Variants in ALG8 observed in about 807,000 individuals in gnomAD.
The protein encoded by ALG8 is ALG8 alpha-1,3-glucosyltransferase, also known as dolichyl pyrophosphate Glc1Man9GlcNAc2 alpha-1,3-glucosyltransferase.
ALG8 carries 48 observed loss-of-function variants against 70.2 expected under a neutral mutation model. That is an observed-to-expected ratio of 0.68 (90% CI 0.54 to 0.87). ALG8 has a LOEUF of 0.87. ALG8 is among the 40% of genes least tolerant of loss of function. ALG8 has a pLI of 0.00. For missense variants in ALG8, 572 were observed against 608.7 expected, an observed-to-expected ratio of 0.94 and a Z score of 0.64; for synonymous variants, 234 against 229.0, an observed-to-expected ratio of 1.02 and a Z score of -0.20.
At chr11:78,131,517 G>A (rs1401930972) in intron 1 of ALG8, among the ~76,000 whole-genome samples, 5 of 94,814 alleles carry the variant, frequency 5.3e-5, no homozygotes, top group African/African-American at 6.3e-5. Context: ...GCCAGAGGAC[G>A]GCTTGAGCCC....
intron 9 of ALG8, among the ~76,000 whole-genome samples, chr11:78,107,154 G>GTA (rs998341672): frequency 1.3e-5 from 2 of 148,526 alleles, no homozygotes; most frequent in Admixed American, 6.8e-5. Flanking sequence ...CATTTGATGT[G>GTA]TATATATATA....
chr11:78,103,678 ATATC>A (rs1343865750), intron 12 of ALG8, among the ~76,000 whole-genome samples: 1 of 152,136 alleles, frequency 6.6e-6, no homozygotes, highest in Non-Finnish European at 1.5e-5. Flanking sequence ...AGTTTTTTCC[ATATC>A]TATCTGTATT....
At chr11:78,120,041 G>A (rs1231473553) in intron 4 of ALG8, among the ~76,000 whole-genome samples, 1 of 152,042 alleles carries the variant, frequency 6.6e-6, no homozygotes, top group East Asian at 1.9e-4. Flanking sequence ...GGCGGACACT[G>A]CAGTGAGCTG....
Position 78,106,883 on chromosome 11 carries a change from GAGTT to G in ALG8, c.1098_1101del (p.Thr367PhefsTer4), listed in dbSNP as rs1860058274. Reference sequence around the variant, plus strand: ...AACATAAAGGAGCTCAAGGCACAAAGAGTTAGACATCGGAGAAAGCCTCTGGGCC... The same window carrying G: ...AACATAAAGGAGCTCAAGGCACAAAGAGACATCGGAGAAAGCCTCTGGGCC... On this transcript the variant is annotated frameshift_variant, in exon 10 of 13. Transcript: ENST00000299626. LOFTEE classifies it high-confidence loss of function. 1 of 1,614,126 alleles carries G rather than the reference GAGTT, an allele frequency of 6.2e-7. No homozygotes were observed. Among genetic ancestry groups the G allele is most frequent in the Non-Finnish European group, 8.5e-7 (1 of 1,180,004 alleles).
At chr11:78,116,597 T>C (rs1407803262) in intron 5 of ALG8, among the ~76,000 whole-genome samples, 1 of 151,974 alleles carries the variant, frequency 6.6e-6, no homozygotes, top group South Asian at 2.1e-4. Flanking sequence ...TGTGCACCTG[T>C]GGTCCCAGCT....
Position 78,109,592 on chromosome 11 carries a change from G to C in ALG8, c.899-11C>G. ...ATTTCAATTTCAAACCTATTAAACA[G>C]ATATTTTGTTTTGTTTTATTTTTAT... On this transcript the variant is annotated splice_polypyrimidine_tract_variant and intron_variant, in intron 8 of 12. Coordinates refer to ENST00000299626, the MANE Select transcript of ALG8 (RefSeq NM_024079.5). 1 of 1,609,546 alleles carries C rather than the reference G, an allele frequency of 6.2e-7. No individual in the cohort carries two copies. The highest frequency in any genetic ancestry group is 8.5e-7 in the Non-Finnish European group (1 of 1,175,940).
intron 5 of ALG8, among the ~76,000 whole-genome samples, chr11:78,115,992 T>G (rs964357594): frequency 6.6e-6 from 1 of 152,228 alleles, no homozygotes; most frequent in Non-Finnish European, 1.5e-5. Context: ...TATAGCACTA[T>G]CAGGCTGAAG....
chr11:78,115,447 G>A (rs147339805), intron 5 of ALG8, among the ~76,000 whole-genome samples: 2,953 of 144,068 alleles, frequency 0.02, 105 homozygotes, highest in African/African-American at 0.076. Flanking sequence ...GCAATGGCAC[G>A]GTCTCGTTTA....
rs752299665 is a variant in ALG8 at position 78,114,388 on chromosome 11, CT to C, written c.550del (p.Arg184GlyfsTer22). 6.2e-7 allele frequency: 1 copy of C among 1,613,838 alleles called. No individual in the cohort carries two copies. Among genetic ancestry groups the C allele is most frequent in the Non-Finnish European group, 8.5e-7 (1 of 1,179,942 alleles). The part of the protein sequence containing the change: ...LLSIARLFQK[R>X]HMEGAFLFAV... Reference sequence around the variant, plus strand: ...AAAGAGAAATGCTCCTTCCATATGCCTTTTCTAGGAGATTTAAAAGGGAAAT... The same window carrying C: ...AAAGAGAAATGCTCCTTCCATATGCCTTTCTAGGAGATTTAAAAGGGAAAT... On this transcript the variant is annotated frameshift_variant, in exon 6 of 13. Transcript: ENST00000299626. LOFTEE classifies it high-confidence loss of function.
In ALG8 at chr11:78,109,270, T is replaced by C. The variant is rs117633108; in HGVS notation, c.1038+172A>G. The stretch of plus-strand genomic sequence containing the variant: ...AGGCTTTACTGGTAATCCTTCCTTA[T>C]GGTATTCAAAGTTACTCTAAGAATT... On this transcript the variant is annotated intron_variant, in intron 9 of 12. Transcript: ENST00000299626. 0.015 allele frequency among the ~76,000 whole-genome samples: 2,355 copies of C among 152,338 alleles called. 20 individuals carry two copies. The highest frequency in any genetic ancestry group is 0.023 in the Non-Finnish European group (1,556 of 68,040).
chr11:78,120,527 G>A (rs539767414), intron 4 of ALG8, among the ~76,000 whole-genome samples: 6 of 152,312 alleles, frequency 3.9e-5, no homozygotes, highest in South Asian at 2.1e-4. Context: ...TTGGGTCCAG[G>A]TTACATTGAA....
At chr11:78,134,139 GT>G (rs762274757) in intron 1 of ALG8, among the ~76,000 whole-genome samples, 142 of 139,902 alleles carry the variant, frequency 1.0e-3, no homozygotes, top group Non-Finnish European at 1.0e-3. Flanking sequence ...TGGCAAACTG[GT>G]TTTTTTTTTT....
At chr11:78,102,701 C>A (rs1859845576) in intron 12 of ALG8, among the ~76,000 whole-genome samples, 1 of 152,150 alleles carries the variant, frequency 6.6e-6, no homozygotes, top group Non-Finnish European at 1.5e-5. Flanking sequence ...ACCTGTAATG[C>A]CAGCACTTTG....
chr11:78,128,360 G>C (rs1368589492), intron 1 of ALG8, among the ~76,000 whole-genome samples: 1 of 152,144 alleles, frequency 6.6e-6, no homozygotes, highest in African/African-American at 2.4e-5. Context: ...TGAACAATGA[G>C]TTCCACAGCA....
intron 1 of ALG8, among the ~76,000 whole-genome samples, chr11:78,127,982 G>A (rs551453381): frequency 3.9e-5 from 6 of 152,290 alleles, no homozygotes; most frequent in East Asian, 1.9e-4. Flanking sequence ...GATTACAGGC[G>A]TGAGCCACCA....
intron 5 of ALG8, among the ~76,000 whole-genome samples, chr11:78,115,513 G>C (rs1368154395): frequency 1.3e-5 from 2 of 151,734 alleles, no homozygotes; most frequent in Non-Finnish European, 1.5e-5. Flanking sequence ...CTCCCAAGTA[G>C]CTGGGATTAC....
chr11:78,134,580 C>T (rs1464458048), intron 1 of ALG8, among the ~76,000 whole-genome samples: 2 of 152,216 alleles, frequency 1.3e-5, no homozygotes, highest in African/African-American at 4.8e-5. Flanking sequence ...TAGAGTCAAT[C>T]CTTCTTCTCA....
intron 1 of ALG8, among the ~76,000 whole-genome samples, chr11:78,135,972 G>A (rs551394261): frequency 2.6e-5 from 4 of 151,930 alleles, no homozygotes; most frequent in African/African-American, 9.7e-5. Flanking sequence ...AATTTGAGAC[G>A]AGCCTGGGCA....
intron 12 of ALG8, among the ~76,000 whole-genome samples, chr11:78,102,119 T>C (rs1424326485): frequency 6.6e-6 from 1 of 152,206 alleles, no homozygotes; most frequent in Non-Finnish European, 1.5e-5. Context: ...TTTTTAAGTA[T>C]ACAGTTTGAT....
Sources: allele counts gnomAD v4.1 joint callset (sites outside exome capture counted in the v4.1 genomes callset), GRCh38; gene constraint gnomAD v4.1.1; transcripts MANE v1.5; gene names NCBI Gene and HGNC (gene_info 2026-07-23, HGNC 2026-07-21).